CSMD1: variants seen among roughly 807,000 people sequenced by gnomAD.
The protein encoded by CSMD1 is CUB and Sushi multiple domains 1.
CSMD1 carries 213 observed loss-of-function variants against 417.5 expected under a neutral mutation model. That is an observed-to-expected ratio of 0.51 (90% CI 0.46 to 0.57). The LOEUF (loss-of-function observed/expected upper bound fraction) is 0.57, where lower values mean the gene tolerates loss of function less well. CSMD1 is among the 20% of genes least tolerant of loss of function. The probability of loss-of-function intolerance (pLI) is 0.00; values close to 1 mark genes in which losing one functional copy is unlikely to be tolerated. For synonymous variants in CSMD1, 2,862 were observed against 1,736.8 expected, an observed-to-expected ratio of 1.65 and a Z score of -16.11; for missense variants, 6,923 against 4,529.7, an observed-to-expected ratio of 1.53 and a Z score of -15.17.
rs191330382 is a variant in CSMD1 at position 4,031,053 on chromosome 8, A to G, written c.610+852T>C. Among the ~76,000 whole-genome samples, 194 of 152,274 alleles carry G rather than the reference A, an allele frequency of 1.3e-3. 1 individual carries two copies. Among genetic ancestry groups the G allele is most frequent in the African/African-American group, 4.6e-3 (192 of 41,546 alleles). On this transcript the variant is annotated intron_variant, in intron 4 of 69. Transcript: ENST00000635120. ...TGTCCATATCATCAGCACTTTGGTC[A>G]AAGCTATTCAACAAGTCTCTAGAGA... is the stretch of plus-strand genomic sequence containing the variant.
chr8:4,948,085 T>G (rs1221273402), intron 1 of CSMD1, among the ~76,000 whole-genome samples: 2 of 152,102 alleles, frequency 1.3e-5, no homozygotes, highest in Non-Finnish European at 2.9e-5. Flanking sequence ...AACATTAATT[T>G]TTTTTTAAGT....
chr8:4,912,354 T>C (rs1028683741), intron 1 of CSMD1, among the ~76,000 whole-genome samples: 4 of 46,040 alleles, frequency 8.7e-5, no homozygotes, highest in African/African-American at 2.7e-4. Context: ...AGAAATCATT[T>C]TCTGCTTTTT....
intron 10 of CSMD1, among the ~76,000 whole-genome samples, chr8:3,562,293 T>C (rs779864781): frequency 6.6e-6 from 1 of 152,128 alleles, no homozygotes; most frequent in Non-Finnish European, 1.5e-5. Flanking sequence ...GAGAGAGTTT[T>C]AGAATCTAGA....
chr8:3,292,420 A>G, intron 25 of CSMD1, among the ~76,000 whole-genome samples: 1 of 152,134 alleles, frequency 6.6e-6, no homozygotes, highest in Non-Finnish European at 1.5e-5. Flanking sequence ...TAATGTTGAC[A>G]GTGGGGTGTT....
At chr8:4,128,737 T>C (rs1802913687) in intron 3 of CSMD1, among the ~76,000 whole-genome samples, 3 of 152,154 alleles carry the variant, frequency 2.0e-5, no homozygotes, top group Admixed American at 2.0e-4. Flanking sequence ...ACTTATACTT[T>C]CATCCCACAC....
intron 2 of CSMD1, among the ~76,000 whole-genome samples, chr8:4,593,332 C>T (rs1800084867): frequency 1.3e-5 from 2 of 152,170 alleles, no homozygotes; most frequent in African/African-American, 2.4e-5. Context: ...AATACTTCTG[C>T]AGCATGGCTA....
chr8:3,290,751 T>C lies in CSMD1; in HGVS notation c.3951-6405A>G, dbSNP rs193110090. 7.6e-4 allele frequency among the ~76,000 whole-genome samples: 112 copies of C among 147,002 alleles called. 16 individuals are homozygous for C. Among genetic ancestry groups the C allele is most frequent in the African/African-American group, 1.4e-3 (50 of 36,878 alleles). ...CTGAGACAATGGGGTTTTCTAGATA[T>C]ACAATCATGTCATCTGCCAACAGGG... On this transcript the variant is annotated intron_variant, in intron 25 of 69. Coordinates refer to ENST00000635120, the MANE Select transcript of CSMD1 (RefSeq NM_033225.6).
At chr8:3,492,033 G>A (rs1818407722) in intron 11 of CSMD1, among the ~76,000 whole-genome samples, 4 of 152,188 alleles carry the variant, frequency 2.6e-5, no homozygotes, top group Admixed American at 6.5e-5. Context: ...AGGAAGGGAT[G>A]AGGAAAAGGA....
rs780944623 is a variant in CSMD1 at position 4,032,111 on chromosome 8, A to T, written c.416-12T>A. ...GTGGCTAGGTAAAACTATTGGAAAA[A>T]GAAAAGAAAGGAGAAAAAACAAGTT... On this transcript the variant is annotated splice_polypyrimidine_tract_variant and intron_variant, in intron 3 of 69. Coordinates refer to ENST00000635120, the MANE Select transcript of CSMD1 (RefSeq NM_033225.6). The T allele has an allele frequency of 6.3e-7, 1 of 1,582,378 alleles. No homozygotes were observed. The highest frequency in any genetic ancestry group is 8.6e-7 in the Non-Finnish European group (1 of 1,158,656).
intron 8 of CSMD1, among the ~76,000 whole-genome samples, chr8:3,614,707 G>A (rs1442568491): frequency 6.6e-6 from 1 of 152,218 alleles, no homozygotes; most frequent in Non-Finnish European, 1.5e-5. Flanking sequence ...CAGGATACAA[G>A]ATGGGCAGTT....
intron 5 of CSMD1, among the ~76,000 whole-genome samples, chr8:3,787,740 C>T (rs890463184): frequency 6.6e-6 from 1 of 151,934 alleles, no homozygotes; most frequent in Admixed American, 6.6e-5. Flanking sequence ...AAACATAGAC[C>T]CTGTATGGGG....
intron 12 of CSMD1, among the ~76,000 whole-genome samples, chr8:3,462,561 C>T (rs926179767): frequency 6.6e-6 from 1 of 152,220 alleles, no homozygotes; most frequent in African/African-American, 2.4e-5. Context: ...CTGTCACTGT[C>T]TCCCATCACC....
intron 1 of CSMD1, among the ~76,000 whole-genome samples, chr8:4,902,251 G>A (rs967415541): frequency 2.0e-5 from 3 of 149,226 alleles, no homozygotes; most frequent in Non-Finnish European, 4.4e-5. Flanking sequence ...CCATTAAAAA[G>A]ACAAAACATC....
intron 6 of CSMD1, among the ~76,000 whole-genome samples, chr8:3,723,123 C>A (rs1482400708): frequency 6.6e-6 from 1 of 152,086 alleles, no homozygotes; most frequent in Non-Finnish European, 1.5e-5. Context: ...TGGTGAAGTC[C>A]AATTCGGTGG....
At chr8:3,594,299 T>C (rs1800992441) in intron 8 of CSMD1, among the ~76,000 whole-genome samples, 2 of 152,118 alleles carry the variant, frequency 1.3e-5, no homozygotes, top group Non-Finnish European at 2.9e-5. Context: ...TAAATCTAAA[T>C]TGCTATGGGA....
At chr8:4,450,300 C>A (rs184872406) in intron 2 of CSMD1, among the ~76,000 whole-genome samples, 2 of 152,170 alleles carry the variant, frequency 1.3e-5, no homozygotes, top group African/African-American at 2.4e-5. Context: ...GCACTGTTTG[C>A]TGCAACTCAG....
intron 5 of CSMD1, among the ~76,000 whole-genome samples, chr8:3,881,169 A>T (rs934019553): frequency 1.3e-5 from 2 of 152,152 alleles, no homozygotes; most frequent in Admixed American, 1.3e-4. Flanking sequence ...AGAAGACACA[A>T]TATTTTAAAG....
At chr8:4,462,850 C>G (rs1799920080) in intron 2 of CSMD1, among the ~76,000 whole-genome samples, 1 of 152,064 alleles carries the variant, frequency 6.6e-6, no homozygotes, top group Non-Finnish European at 1.5e-5. Context: ...GTAAGAAGTG[C>G]AGCTCAAACT....
intron 3 of CSMD1, among the ~76,000 whole-genome samples, chr8:4,279,095 T>TA (rs1796641643): frequency 6.6e-6 from 1 of 152,124 alleles, no homozygotes; most frequent in Non-Finnish European, 1.5e-5. Context: ...AATTTTTTTT[T>TA]AAAAAACACC....
Sources: allele counts gnomAD v4.1 joint callset (sites outside exome capture counted in the v4.1 genomes callset), GRCh38; gene constraint gnomAD v4.1.1; transcripts MANE v1.5; gene names NCBI Gene and HGNC (gene_info 2026-07-23, HGNC 2026-07-21).